The following COP1 variants were observed in gnomAD, a reference collection of about 807,000 sequenced individuals.
COP1 encodes COP1 E3 ubiquitin ligase, also known as E3 ubiquitin-protein ligase COP1.
A neutral mutation model predicts 101.3 loss-of-function variants in COP1; 24 were observed. That is an observed-to-expected ratio of 0.24 (90% CI 0.17 to 0.33). The LOEUF (loss-of-function observed/expected upper bound fraction) is 0.33. COP1 is among the 10% of genes least tolerant of loss of function. The probability of loss-of-function intolerance (pLI) is 1.00; values close to 1 mark genes in which losing one functional copy is unlikely to be tolerated. For missense variants in COP1, 663 were observed against 906.2 expected (o/e 0.73, Z 3.45); for synonymous variants, 347 against 341.9 (o/e 1.01, Z -0.17).
intron 15 of COP1, among the ~76,000 whole-genome samples, chr1:176,016,688 A>G (rs1665709554): frequency 6.6e-6 from 1 of 152,194 alleles, no homozygotes; most frequent in Non-Finnish European, 1.5e-5. Context: ...TGGAATTTGT[A>G]ATACACTTTT....
chr1:175,995,298 G>T (rs1318817024), intron 15 of COP1, among the ~76,000 whole-genome samples: 1 of 152,158 alleles, frequency 6.6e-6, no homozygotes, highest in Non-Finnish European at 1.5e-5. Flanking sequence ...AAGCAGGAAA[G>T]ATCCAAAATT....
intron 3 of COP1, among the ~76,000 whole-genome samples, chr1:176,164,490 T>A (rs996446652): frequency 6.6e-6 from 1 of 152,108 alleles, no homozygotes; most frequent in South Asian, 2.1e-4. Context: ...TTGCCAGTGG[T>A]TGATGTGGGG....
chr1:176,183,334 T>G (rs1038515793), intron 2 of COP1, among the ~76,000 whole-genome samples: 4 of 152,164 alleles, frequency 2.6e-5, no homozygotes, highest in African/African-American at 9.7e-5. Flanking sequence ...GAACACAAGG[T>G]ATACTAAGGC....
intron 15 of COP1, among the ~76,000 whole-genome samples, chr1:175,999,115 G>A (rs1246957279): frequency 6.6e-6 from 1 of 151,866 alleles, no homozygotes; most frequent in Non-Finnish European, 1.5e-5. Flanking sequence ...GCATCTAATA[G>A]CAAATAAAAA....
At chr1:176,035,347 T>C (rs1669315804) in intron 14 of COP1, among the ~76,000 whole-genome samples, 1 of 151,056 alleles carries the variant, frequency 6.6e-6, no homozygotes, top group African/African-American at 2.4e-5. Context: ...CAATATAAAT[T>C]ACCCAACCTG....
chr1:175,956,241 A>G (rs1050695541), intron 18 of COP1, among the ~76,000 whole-genome samples: 1 of 152,110 alleles, frequency 6.6e-6, no homozygotes, highest in African/African-American at 2.4e-5. Context: ...TTAAAAAAAA[A>G]ATAGAGTAAT....
chr1:176,023,718 C>CA (rs759455090), intron 15 of COP1, among the ~76,000 whole-genome samples: 3,324 of 121,758 alleles, frequency 0.027, 63 homozygotes, highest in Non-Finnish European at 0.036. Flanking sequence ...AACTCCATCT[C>CA]AAAAAAAAAA....
At chr1:176,174,388 T>G (rs1051496803) in intron 3 of COP1, among the ~76,000 whole-genome samples, 1 of 152,174 alleles carries the variant, frequency 6.6e-6, no homozygotes, top group Non-Finnish European at 1.5e-5. Context: ...TCAAGTATCA[T>G]CCTGCAAGGT....
Position 176,065,991 on chromosome 1 carries a change from T to G in COP1, c.1277+15161A>C, listed in dbSNP as rs146251479. 4.5e-3 allele frequency among the ~76,000 whole-genome samples: 688 copies of G among 152,042 alleles called. 7 individuals carry two copies. Among genetic ancestry groups the G allele is most frequent in the African/African-American group, 0.016 (660 of 41,480 alleles). ...AACACCTGCCTCGGCCTCCCAAAGT[T>G]CTGGGATTACAGGCATGAGCCACCG... On this transcript the variant is annotated intron_variant, in intron 11 of 19. Transcript: ENST00000367669.
intron 7 of COP1, 94 bp downstream of exon 7, chr1:176,136,394 A>G (rs1160381020): frequency 1.4e-6 from 1 of 734,306 alleles, no homozygotes; most frequent in Admixed American, 2.6e-5. Context: ...CCTAAGACCA[A>G]TCCCATAAAC....
chr1:176,124,154 T>C (rs1255336156), intron 8 of COP1, among the ~76,000 whole-genome samples: 3 of 152,180 alleles, frequency 2.0e-5, no homozygotes, highest in African/African-American at 2.4e-5. Flanking sequence ...CAGGTGTATA[T>C]ACTTATGAGG....
intron 8 of COP1, among the ~76,000 whole-genome samples, chr1:176,129,647 G>C (rs1346717343): frequency 6.6e-6 from 1 of 151,770 alleles, no homozygotes; most frequent in Non-Finnish European, 1.5e-5. Flanking sequence ...CCAGCTGAAG[G>C]AGATAGAGAA....
At chr1:175,981,134 A>G (rs1159568017) in intron 18 of COP1, among the ~76,000 whole-genome samples, 3 of 152,162 alleles carry the variant, frequency 2.0e-5, no homozygotes, top group African/African-American at 7.2e-5. Flanking sequence ...TTCTGCCCTA[A>G]GCATATCCTC....
chr1:176,009,474 G>A (rs1571643967), intron 15 of COP1, among the ~76,000 whole-genome samples: 1 of 152,258 alleles, frequency 6.6e-6, no homozygotes, highest in African/African-American at 2.4e-5. Flanking sequence ...AGGCATATAA[G>A]TAAAGGTTAA....
rs768792095 is a variant in COP1 at position 176,184,623 on chromosome 1, A to C, written c.467+10T>G. On this transcript the variant is annotated intron_variant, in intron 2 of 19. Transcript: ENST00000367669. ...TTAAAAGATTATTTTACTCAATAGA[A>C]TTGTCTTACCAAAAGCTGTGGCCAC... The C allele has an allele frequency of 2.5e-6, 4 of 1,588,654 alleles. No individual in the cohort carries two copies. The highest frequency in any genetic ancestry group is 3.4e-6 in the Non-Finnish European group (4 of 1,161,278).
chr1:176,087,558 C>T (rs1003737951), intron 9 of COP1, among the ~76,000 whole-genome samples: 17 of 152,250 alleles, frequency 1.1e-4, no homozygotes, highest in African/African-American at 4.1e-4. Flanking sequence ...CAATGAGATA[C>T]CATCTCACAC....
intron 11 of COP1, among the ~76,000 whole-genome samples, chr1:176,060,886 T>C (rs1674718919): frequency 6.6e-6 from 1 of 152,128 alleles, no homozygotes; most frequent in Admixed American, 6.5e-5. Flanking sequence ...AAGAAAAATA[T>C]TTTAAAAAAT....
rs745641818 is a variant in COP1 at position 175,986,955 on chromosome 1, T to C, written c.2121A>G (p.Ala707=). ...TATGAAAACTTACCCCATCTGGTAGTGCCCTCCAGCACACAGCACTAACAA... is the reference window on the plus strand; with the variant it reads ...TATGAAAACTTACCCCATCTGGTAGCGCCCTCCAGCACACAGCACTAACAA... The part of the protein sequence containing the change: ...NEFVSAVCWR[A]LPDGESNVLI... Residue 707 remains alanine (A), a synonymous_variant, in exon 18 of 20, where the codon GCA becomes GCG. Coordinates refer to ENST00000367669, the MANE Select transcript of COP1 (RefSeq NM_022457.7). 3.1e-6 allele frequency: 5 copies of C among 1,596,282 alleles called. No homozygotes were observed. The African/African-American group carries it at 6.8e-5, about 22-fold the overall frequency.
chr1:176,058,187 G>GGT (rs1674115777), intron 11 of COP1, among the ~76,000 whole-genome samples: 1 of 150,054 alleles, frequency 6.7e-6, no homozygotes, highest in African/African-American at 2.4e-5. Flanking sequence ...GTAGGGAGGG[G>GGT]GGGGGTCAGC....
Sources: gnomAD v4.1 joint callset for allele counts (sites outside exome capture counted in the v4.1 genomes callset) on GRCh38, gnomAD v4.1.1 for gene constraint, MANE v1.5 for transcripts, NCBI Gene and HGNC (gene_info 2026-07-23, HGNC 2026-07-21) for gene names.